CCBE1: variants seen among roughly 807,000 people sequenced by gnomAD.
CCBE1 encodes the protein collagen and calcium binding EGF domains 1.
Under a neutral mutation model 50.0 loss-of-function variants are expected in CCBE1, and 37 were observed. The observed-to-expected ratio is 0.74, with a 90% CI of 0.57 to 0.97. CCBE1 has a LOEUF of 0.97. Ranked by LOEUF, CCBE1 falls within the 50% of genes least tolerant of loss-of-function variation. CCBE1 has a pLI of 0.00. For synonymous variants in CCBE1, 234 were observed against 203.7 expected, an observed-to-expected ratio of 1.15 and a Z score of -1.27; for missense variants, 538 against 523.8, an observed-to-expected ratio of 1.03 and a Z score of -0.26.
chr18:59,458,508 C>T lies in CCBE1; in HGVS notation c.554-3557G>A, dbSNP rs145850396. Among the ~76,000 whole-genome samples, 11 of 152,326 alleles carry T rather than the reference C, an allele frequency of 7.2e-5. No homozygotes were observed. In the East Asian group the frequency reaches 2.1e-3, roughly 29 times the overall value. ...TCAACAGCTTCATGATAAGATAAAC[C>T]TCTTTACCAGATTCTCGACTATTTC... On this transcript the variant is annotated intron_variant, in intron 5 of 10. Transcript: ENST00000439986.
At position 59,543,851 on chromosome 18, in the gene CCBE1, A is replaced by C. The variant is rs996989249; in HGVS notation, c.213-63613T>G. 1.2e-4 allele frequency among the ~76,000 whole-genome samples: 18 copies of C among 151,320 alleles called. No individual in the cohort carries two copies. In the East Asian group the frequency reaches 2.5e-3, roughly 21 times the overall value. ...CTCCGTCTCAAAAAAAAAAAAAAAA[A>C]AAAAAAACAGAAAACACTAATGCGA... On this transcript the variant is annotated intron_variant, in intron 2 of 10. Coordinates refer to ENST00000439986, the MANE Select transcript of CCBE1 (RefSeq NM_133459.4).
rs1913351674 is a variant in CCBE1, at chr18:59,496,276, G to C, written c.213-16038C>G. The stretch of plus-strand genomic sequence containing the variant: ...TTGACCATGAACACCTAGAAGGCAG[G>C]GGTTGAGTCTCCACTATCTTGAGCA... On this transcript the variant is annotated intron_variant, in intron 2 of 10. Transcript: ENST00000439986. 1.3e-5 allele frequency among the ~76,000 whole-genome samples: 2 copies of C among 152,116 alleles called. 1 individual carries two copies. Among genetic ancestry groups the C allele is most frequent in the South Asian group, 4.2e-4 (2 of 4,818 alleles).
intron 2 of CCBE1, among the ~76,000 whole-genome samples, chr18:59,524,881 A>G (rs1177647639): frequency 2.0e-5 from 3 of 152,186 alleles, no homozygotes; most frequent in Non-Finnish European, 4.4e-5. Context: ...TTTGCTGAGG[A>G]TAATGGCTTC....
intron 2 of CCBE1, among the ~76,000 whole-genome samples, chr18:59,598,675 G>A (rs2053389265): frequency 6.6e-6 from 1 of 152,206 alleles, no homozygotes; most frequent in African/African-American, 2.4e-5. Flanking sequence ...CCTAACTCCT[G>A]TAGCCAAGGG....
intron 2 of CCBE1, among the ~76,000 whole-genome samples, chr18:59,616,412 T>C (rs1170758142): frequency 1.3e-5 from 2 of 152,216 alleles, no homozygotes; most frequent in Non-Finnish European, 2.9e-5. Context: ...TTGTCTAACA[T>C]ATTTAAAAAG....
intron 2 of CCBE1, among the ~76,000 whole-genome samples, chr18:59,521,177 G>A (rs1331007538): frequency 1.3e-5 from 2 of 152,112 alleles, no homozygotes; most frequent in Admixed American, 1.3e-4. Flanking sequence ...GCTATTTTAA[G>A]CAAACAAGAA....
At chr18:59,531,248 C>A (rs1024941139) in intron 2 of CCBE1, among the ~76,000 whole-genome samples, 1 of 132,316 alleles carries the variant, frequency 7.6e-6, no homozygotes, top group Non-Finnish European at 1.6e-5. Flanking sequence ...GACCCAGACA[C>A]TGGAAATCCT....
chr18:59,608,467 A>G (rs2053529625), intron 2 of CCBE1, among the ~76,000 whole-genome samples: 1 of 152,220 alleles, frequency 6.6e-6, no homozygotes, highest in Non-Finnish European at 1.5e-5. Flanking sequence ...ATTTCTAAGA[A>G]GAGTCACCCT....
chr18:59,574,816 C>T (rs998550510), intron 2 of CCBE1, among the ~76,000 whole-genome samples: 1 of 152,154 alleles, frequency 6.6e-6, no homozygotes, highest in Non-Finnish European at 1.5e-5. Context: ...AAAGAATTAA[C>T]ACACTCCATT....
At chr18:59,505,050 C>T (rs1198140366) in intron 2 of CCBE1, among the ~76,000 whole-genome samples, 2 of 152,214 alleles carry the variant, frequency 1.3e-5, no homozygotes, top group Non-Finnish European at 2.9e-5. Flanking sequence ...TGCTTCCTTA[C>T]TGCAAAGTGA....
intron 2 of CCBE1, among the ~76,000 whole-genome samples, chr18:59,624,448 T>C (rs1162901813): frequency 6.6e-6 from 1 of 152,240 alleles, no homozygotes; most frequent in African/African-American, 2.4e-5. Flanking sequence ...TTTAAAAATA[T>C]ATTTGTGATT....
chr18:59,647,784 A>G (rs187844636), intron 2 of CCBE1, among the ~76,000 whole-genome samples: 1 of 152,350 alleles, frequency 6.6e-6, no homozygotes, highest in East Asian at 1.9e-4. Flanking sequence ...CGATGGAATA[A>G]AAATTCAGTT....
chr18:59,608,705 C>A (rs900205003), intron 2 of CCBE1, among the ~76,000 whole-genome samples: 1 of 152,156 alleles, frequency 6.6e-6, no homozygotes, highest in African/African-American at 2.4e-5. Flanking sequence ...TGAGTGAAAA[C>A]GTCTCTCTTG....
intron 2 of CCBE1, among the ~76,000 whole-genome samples, chr18:59,497,360 T>C (rs1913402532): frequency 6.6e-6 from 1 of 152,180 alleles, no homozygotes; most frequent in Non-Finnish European, 1.5e-5. Context: ...GCACAGATCA[T>C]ACTGAGTAAT....
intron 7 of CCBE1, among the ~76,000 whole-genome samples, chr18:59,440,393 T>C (rs1910366541): frequency 6.6e-6 from 1 of 152,256 alleles, no homozygotes; most frequent in Non-Finnish European, 1.5e-5. Context: ...GCACTTAGTA[T>C]AGTACTTCAC....
At chr18:59,575,643 C>T (rs2052984022) in intron 2 of CCBE1, among the ~76,000 whole-genome samples, 1 of 152,194 alleles carries the variant, frequency 6.6e-6, no homozygotes. Flanking sequence ...GAATATTATG[C>T]TTAAGTTCGC....
intron 2 of CCBE1, among the ~76,000 whole-genome samples, chr18:59,585,923 G>A (rs2053172214): frequency 6.6e-6 from 1 of 152,156 alleles, no homozygotes; most frequent in Non-Finnish European, 1.5e-5. Flanking sequence ...TAAGTGTCTA[G>A]CAATAAAATT....
intron 2 of CCBE1, among the ~76,000 whole-genome samples, chr18:59,584,299 A>C (rs191104687): frequency 6.8e-6 from 1 of 146,080 alleles, no homozygotes; most frequent in Non-Finnish European, 1.5e-5. Flanking sequence ...GAATTGGACA[A>C]TGAGAACACA....
At chr18:59,467,042 G>A (rs1190401191) in intron 4 of CCBE1, 151 bp from the exon 5 acceptor site, 3 of 689,924 alleles carry the variant, frequency 4.3e-6, no homozygotes, top group African/African-American at 3.5e-5. Flanking sequence ...TAGGGAGCTA[G>A]AAATGTGGGT....
Sources: gnomAD v4.1 joint callset for allele counts (sites outside exome capture counted in the v4.1 genomes callset) on GRCh38, gnomAD v4.1.1 for gene constraint, MANE v1.5 for transcripts, NCBI Gene and HGNC (gene_info 2026-07-23, HGNC 2026-07-21) for gene names.